The following ETV4 variants were observed in gnomAD, a reference collection of about 807,000 sequenced individuals.
ETV4 encodes ETS translocation variant 4.
In ETV4, 42 loss-of-function variants were observed where a neutral mutation model predicts 65.9. That is an observed-to-expected ratio of 0.64 (90% CI 0.50 to 0.82). The LOEUF (loss-of-function observed/expected upper bound fraction) is 0.82, where lower values mean the gene tolerates loss of function less well. ETV4 is among the 40% of genes least tolerant of loss of function. The probability of loss-of-function intolerance (pLI) is 0.00; values close to 1 mark genes in which losing one functional copy is unlikely to be tolerated. For missense variants in ETV4, 583 were observed against 630.3 expected (o/e 0.92, Z 0.80); for synonymous variants, 238 against 260.0 (o/e 0.92, Z 0.81).
At chr17:43,530,023 C>T in intron 9 of ETV4, 71 bp from the exon 10 acceptor site, 3 of 1,610,212 alleles carry the variant, frequency 1.9e-6, no homozygotes, top group Non-Finnish European at 2.5e-6. Flanking sequence ...TCCAGAGGGA[C>T]TCCTGGCCAG....
In ETV4 at chr17:43,528,725, C is replaced by G; in HGVS notation, c.1249G>C (p.Val417Leu). The change falls in exon 13 of 13, where the codon GTG becomes CTG. Residue 417 changes from valine (V) to leucine (L), a missense_variant. Transcript: ENST00000319349. ...IMQKVAGERY[V>L]YKFVCEPEAL... ...TCGGGCTCACACACAAACTTGTACA[C>G]GTAACGCTCACCAGCCACCTATGGG... 1.2e-6 allele frequency: 2 copies of G among 1,614,130 alleles called. No individual in the cohort carries two copies. The highest frequency in any genetic ancestry group is 1.7e-6 in the Non-Finnish European group (2 of 1,180,004).
chr17:43,535,131 G>C (rs987288525), intron 5 of ETV4, among the ~76,000 whole-genome samples: 1 of 152,152 alleles, frequency 6.6e-6, no homozygotes, highest in Non-Finnish European at 1.5e-5. Flanking sequence ...GTTCCAAGCC[G>C]GTGTGAGATT....
At chr17:43,529,744 C>A in intron 10 of ETV4, 68 bp from the exon 11 acceptor site, 1 of 1,590,744 alleles carries the variant, frequency 6.3e-7, no homozygotes, top group Non-Finnish European at 8.6e-7. Flanking sequence ...CGCCTCCCAC[C>A]CGAGGGATTT....
In ETV4 at chr17:43,528,583, G is replaced by A. The variant is rs748064563; in HGVS notation, c.1391C>T (p.Ala464Val). Residue 464 changes from alanine (A) to valine (V), a missense_variant, in exon 13 of 13, where the codon GCC (alanine) becomes GTC (valine). Transcript: ENST00000319349. ...VPLSHLDESP[A>V]YLPELAGPAQ... ...GGGGCCAGCCAGCTCTGGGAGGTAG[G>A]CGGGGCTCTCATCCAAGTGGGACAA... is the stretch of plus-strand genomic sequence containing the variant. The A allele has an allele frequency of 1.9e-6, 3 of 1,614,102 alleles. No homozygotes were observed. Among genetic ancestry groups the A allele is most frequent in the South Asian group, 1.1e-5 (1 of 91,086 alleles).
intron 10 of ETV4, 36 bp from the exon 11 acceptor site, chr17:43,529,712 G>A (rs1250526157): frequency 3.1e-6 from 5 of 1,594,628 alleles, no homozygotes; most frequent in Non-Finnish European, 1.7e-6. Flanking sequence ...TGGGGTTTGT[G>A]TCTTTTGGTC....
intron 5 of ETV4, among the ~76,000 whole-genome samples, chr17:43,534,602 G>C (rs1033250781): frequency 6.6e-6 from 1 of 152,170 alleles, no homozygotes; most frequent in Non-Finnish European, 1.5e-5. Flanking sequence ...GAGTGCCCTG[G>C]AAAATTCCAG....
At chr17:43,528,864 CT>C (rs1970727442) in intron 12 of ETV4, 121 bp from the exon 13 acceptor site, 3 of 782,188 alleles carry the variant, frequency 3.8e-6, no homozygotes, top group Non-Finnish European at 6.2e-6. Flanking sequence ...GGGCATTTCT[CT>C]CCCATGCTGG....
Position 43,530,117 on chromosome 17 carries a change from G to T in ETV4, c.876C>A (p.Asp292Glu). 1 of 1,583,344 alleles carries T rather than the reference G, an allele frequency of 6.3e-7. No individual in the cohort carries two copies. Among genetic ancestry groups the T allele is most frequent in the Non-Finnish European group, 8.6e-7 (1 of 1,164,324 alleles). Reference sequence around the variant, plus strand: ...GGGGGGCTGCCTTACCCATGGCCCCGTCACCTGGAGAGGGCCCAGAGAAGC... The same window carrying T: ...GGGGGGCTGCCTTACCCATGGCCCCTTCACCTGGAGAGGGCCCAGAGAAGC... Reference protein sequence around the residue: ...TEGFSGPSPGDGAMGYGYEKP... With the variant: ...TEGFSGPSPGEGAMGYGYEKP... Residue 292 changes from aspartate (D) to glutamate (E), a missense_variant, in exon 9 of 13, where the codon GAC becomes GAA. Coordinates refer to ENST00000319349, the MANE Select transcript of ETV4 (RefSeq NM_001079675.5).
At chr17:43,533,492 A>G in intron 6 of ETV4, 144 bp from the exon 7 acceptor site, 1 of 800,828 alleles carries the variant, frequency 1.2e-6, no homozygotes, top group Non-Finnish European at 2.0e-6. Flanking sequence ...CAGGAGCCAC[A>G]GACTCAGCCC....
chr17:43,539,779 G>C (rs1414752115), intron 4 of ETV4, among the ~76,000 whole-genome samples: 1 of 152,190 alleles, frequency 6.6e-6, no homozygotes, highest in African/African-American at 2.4e-5. Context: ...CTCCAGGAAA[G>C]CACATCTCAC....
Position 43,529,949 on chromosome 17 carries a change from T to A in ETV4, c.890A>T (p.Tyr297Phe). Residue 297 changes from tyrosine (Y) to phenylalanine (F), a missense_variant, in exon 10 of 13, where the codon TAT (tyrosine) becomes TTT (phenylalanine). Physicochemically the swap from Tyr to Phe is conservative, Grantham distance 22. Coordinates refer to ENST00000319349, the MANE Select transcript of ETV4 (RefSeq NM_001079675.5). ...TGGTCGCAGAGGTTTCTCATAGCCA[T>A]AGCCTTGTGGAGGAAATTGGGGGTT... Reference protein sequence around the residue: ...GPSPGDGAMGYGYEKPLRPFP... With the variant: ...GPSPGDGAMGFGYEKPLRPFP... 6.2e-7 allele frequency: 1 copy of A among 1,614,154 alleles called. No homozygotes were observed. Among genetic ancestry groups the A allele is most frequent in the South Asian group, 1.1e-5 (1 of 91,086 alleles).
At position 43,529,915 on chromosome 17, in the gene ETV4, A is replaced by T. The variant is rs1179245684; in HGVS notation, c.924T>A (p.Asp308Glu). The T allele has an allele frequency of 6.2e-7, 1 of 1,614,144 alleles. No individual in the cohort carries two copies. The highest frequency in any genetic ancestry group is 2.2e-5 in the East Asian group (1 of 44,866). ...ATTTCTCAGGGACAACGCAGACATC[A>T]TCTGGGAATGGTCGCAGAGGTTTCT... ...GYEKPLRPFP[D>E]DVCVVPEKFE... Residue 308 changes from aspartate (D) to glutamate (E), a missense_variant, in exon 10 of 13, where the codon GAT becomes GAA. Coordinates refer to ENST00000319349, the MANE Select transcript of ETV4 (RefSeq NM_001079675.5).
chr17:43,537,406 G>A (rs115696102), intron 4 of ETV4, among the ~76,000 whole-genome samples: 7 of 151,864 alleles, frequency 4.6e-5, no homozygotes, highest in South Asian at 2.1e-4. Context: ...AATCACATAG[G>A]GGGGTGGCTG....
At chr17:43,540,319 G>T (rs1253700128) in intron 4 of ETV4, among the ~76,000 whole-genome samples, 1 of 152,160 alleles carries the variant, frequency 6.6e-6, no homozygotes, top group African/African-American at 2.4e-5. Context: ...CAGGCATGGT[G>T]GTTCTCGCCT....
At chr17:43,534,061 A>C in intron 5 of ETV4, 76 bp from the exon 6 acceptor site, 1 of 1,388,388 alleles carries the variant, frequency 7.2e-7, no homozygotes, top group Non-Finnish European at 9.3e-7. Flanking sequence ...ATACCTTCTG[A>C]GCTTTGAGGA....
intron 4 of ETV4, among the ~76,000 whole-genome samples, chr17:43,539,264 C>T (rs1002561093): frequency 5.3e-5 from 8 of 152,190 alleles, no homozygotes; most frequent in Admixed American, 5.2e-4. Flanking sequence ...CTTTCTAGCC[C>T]TCAAAGCTGC....
intron 4 of ETV4, among the ~76,000 whole-genome samples, chr17:43,542,661 C>T (rs978333613): frequency 3.3e-5 from 5 of 152,068 alleles, no homozygotes; most frequent in East Asian, 1.9e-4. Flanking sequence ...TCCATAAAGC[C>T]GCACTCACAC....
At chr17:43,535,088 ACT>A (rs1464846811) in intron 5 of ETV4, among the ~76,000 whole-genome samples, 2 of 152,024 alleles carry the variant, frequency 1.3e-5, no homozygotes, top group Admixed American at 6.6e-5. Context: ...GGGTTCCCAA[ACT>A]CTGGCCACGA....
At chr17:43,538,067 G>C (rs1043968689) in intron 4 of ETV4, among the ~76,000 whole-genome samples, 1 of 151,764 alleles carries the variant, frequency 6.6e-6, no homozygotes, top group African/African-American at 2.4e-5. Context: ...CGTGAACCTG[G>C]GAGGCGGAGC....
Sources: allele counts gnomAD v4.1 joint callset (sites outside exome capture counted in the v4.1 genomes callset), GRCh38; gene constraint gnomAD v4.1.1; transcripts MANE v1.5; gene names NCBI Gene and HGNC (gene_info 2026-07-23, HGNC 2026-07-21).